Variants in LIN7A observed in about 807,000 individuals in gnomAD.
LIN7A encodes lin-7 cell polarity scaffold A, also known as protein lin-7 homolog A.
LIN7A carries 25 observed loss-of-function variants against 29.8 expected under a neutral mutation model. That is an observed-to-expected ratio of 0.84 (90% CI 0.61 to 1.17). LIN7A has a LOEUF of 1.17. Among genes scored for constraint, LIN7A ranks in the 50% most tolerant of loss-of-function variants. LIN7A has a pLI of 0.00. For missense variants in LIN7A, 239 were observed against 287.0 expected (o/e 0.83, Z 1.21); for synonymous variants, 118 against 107.5 (o/e 1.10, Z -0.60).
rs2121513133 is a variant in LIN7A at position 80,811,488 on chromosome 12, T to A, written c.679A>T (p.Thr227Ser). ...QQQQQQQQQQ[T>S]QQNHMS ...ACCTATGACATGTGGTTTTGTTGTG[T>A]TTGTTGCTGCTGCTGCTGTTGCTGC... is the stretch of plus-strand genomic sequence containing the variant. The change falls in exon 5 of 6, where the codon ACA becomes TCA. Residue 227 changes from threonine to serine, a missense_variant. Coordinates refer to ENST00000552864, the MANE Select transcript of LIN7A (RefSeq NM_004664.4). The A allele has an allele frequency of 6.5e-7, 1 of 1,534,006 alleles. No individual in the cohort carries two copies. Among genetic ancestry groups the A allele is most frequent in the Non-Finnish European group, 8.9e-7 (1 of 1,117,684 alleles).
chr12:80,841,406 A>AGGAG (rs1160079010), intron 4 of LIN7A, among the ~76,000 whole-genome samples: 1 of 148,210 alleles, frequency 6.7e-6, no homozygotes, highest in Non-Finnish European at 1.5e-5. Context: ...GAAGGAAGGA[A>AGGAG]GGAGGGAAAG....
chr12:80,816,405 T>A (rs1169023890), intron 4 of LIN7A, among the ~76,000 whole-genome samples: 5 of 148,618 alleles, frequency 3.4e-5, no homozygotes, highest in Admixed American at 2.0e-4. Context: ...AGCAAGACTC[T>A]GTCTCAAAAA....
chr12:80,865,872 T>C (rs1473210405), intron 2 of LIN7A, among the ~76,000 whole-genome samples: 1 of 152,206 alleles, frequency 6.6e-6, no homozygotes, highest in East Asian at 1.9e-4. Flanking sequence ...CACAATAAGC[T>C]GTCAGGTTTG....
At chr12:80,869,155 T>A (rs1022711341) in intron 2 of LIN7A, among the ~76,000 whole-genome samples, 47 of 148,684 alleles carry the variant, frequency 3.2e-4, no homozygotes, top group East Asian at 1.2e-3. Flanking sequence ...AATAAATATA[T>A]ATATATATAT....
chr12:80,834,623 C>G (rs1226960391), intron 4 of LIN7A, among the ~76,000 whole-genome samples: 3 of 152,162 alleles, frequency 2.0e-5, no homozygotes, highest in Admixed American at 2.0e-4. Context: ...GTTCTAATAC[C>G]ACAATTGCTG....
intron 4 of LIN7A, among the ~76,000 whole-genome samples, chr12:80,812,304 CAT>C (rs906207008): frequency 4.0e-5 from 6 of 151,744 alleles, no homozygotes; most frequent in African/African-American, 1.5e-4. Context: ...TTAAATGTAA[CAT>C]AAAAACATAA....
chr12:80,810,701 C>T (rs1447741986), intron 5 of LIN7A, among the ~76,000 whole-genome samples: 1 of 152,108 alleles, frequency 6.6e-6, no homozygotes, highest in African/African-American at 2.4e-5. Context: ...ATTTATATTC[C>T]CACCAACGGT....
chr12:80,811,227 A>G (rs1871269914), intron 5 of LIN7A, among the ~76,000 whole-genome samples: 1 of 152,126 alleles, frequency 6.6e-6, no homozygotes, highest in African/African-American at 2.4e-5. Context: ...AAATTATCTT[A>G]TATTTGTGGA....
intron 2 of LIN7A, among the ~76,000 whole-genome samples, chr12:80,881,156 AG>A (rs1409402269): frequency 1.4e-5 from 1 of 72,926 alleles, no homozygotes; most frequent in Non-Finnish European, 6.0e-5. Context: ...CTTCTTCTCC[AG>A]GGGAAAAAAA....
chr12:80,906,072 A>G (rs1876462103), intron 1 of LIN7A, among the ~76,000 whole-genome samples: 1 of 152,168 alleles, frequency 6.6e-6, no homozygotes, highest in South Asian at 2.1e-4. Context: ...ATTAAATTGT[A>G]TACCTCCATA....
chr12:80,913,487 C>T (rs1876869987), intron 1 of LIN7A, among the ~76,000 whole-genome samples: 1 of 152,036 alleles, frequency 6.6e-6, no homozygotes, highest in South Asian at 2.1e-4. Flanking sequence ...GACGAGGAAA[C>T]GGGAGCCTGG....
chr12:80,866,174 G>C (rs1341614357), intron 2 of LIN7A, among the ~76,000 whole-genome samples: 2 of 152,060 alleles, frequency 1.3e-5, no homozygotes, highest in Non-Finnish European at 2.9e-5. Flanking sequence ...AAAGATGAAA[G>C]GAGTCTCTCA....
At chr12:80,880,324 T>C (rs1461027942) in intron 2 of LIN7A, among the ~76,000 whole-genome samples, 1 of 152,198 alleles carries the variant, frequency 6.6e-6, no homozygotes, top group Admixed American at 6.5e-5. Flanking sequence ...TGTCAAATTG[T>C]TTTAAGATTC....
chr12:80,879,311 C>T (rs1176467831), intron 2 of LIN7A, among the ~76,000 whole-genome samples: 2 of 151,952 alleles, frequency 1.3e-5, no homozygotes, highest in Non-Finnish European at 2.9e-5. Flanking sequence ...ACTAGAAAAT[C>T]TAATGAAGTT....
At chr12:80,892,112 T>A (rs1487171968) in intron 1 of LIN7A, among the ~76,000 whole-genome samples, 1 of 152,176 alleles carries the variant, frequency 6.6e-6, no homozygotes, top group Non-Finnish European at 1.5e-5. Flanking sequence ...TAATAATTAC[T>A]ACCCTCTGTT....
intron 1 of LIN7A, among the ~76,000 whole-genome samples, chr12:80,935,184 A>G (rs1028571614): frequency 2.6e-5 from 4 of 152,194 alleles, no homozygotes; most frequent in Non-Finnish European, 5.9e-5. Context: ...TCAAAGATGA[A>G]TTTAGAAATG....
At chr12:80,888,592 G>A (rs1302960634) in intron 2 of LIN7A, among the ~76,000 whole-genome samples, 2 of 152,096 alleles carry the variant, frequency 1.3e-5, no homozygotes, top group Non-Finnish European at 2.9e-5. Context: ...TTCCTGACGG[G>A]GAAGGAGTAA....
intron 5 of LIN7A, among the ~76,000 whole-genome samples, chr12:80,807,452 C>T (rs148817734): frequency 1.3e-5 from 2 of 151,620 alleles, no homozygotes; most frequent in East Asian, 1.9e-4. Flanking sequence ...CTGGCCAAGT[C>T]GTATACTTTT....
intron 2 of LIN7A, among the ~76,000 whole-genome samples, chr12:80,857,087 C>T (rs1873638954): frequency 6.6e-6 from 1 of 152,118 alleles, no homozygotes; most frequent in Non-Finnish European, 1.5e-5. Context: ...AAGGTTGGCT[C>T]TGTGAGATAC....
Sources: allele counts gnomAD v4.1 joint callset (sites outside exome capture counted in the v4.1 genomes callset), GRCh38; gene constraint gnomAD v4.1.1; transcripts MANE v1.5; gene names NCBI Gene and HGNC (gene_info 2026-07-23, HGNC 2026-07-21).